TSHZ3: variants seen among roughly 807,000 people sequenced by gnomAD.
TSHZ3 encodes the protein teashirt zinc finger homeobox 3.
In TSHZ3, 10 loss-of-function variants were observed where a neutral mutation model predicts 64.5. The ratio of observed to expected loss-of-function variants is 0.16; its 90% CI spans 0.10 to 0.26. TSHZ3 has a LOEUF of 0.26. TSHZ3 is among the 10% of genes least tolerant of loss of function. The pLI is 1.00. For synonymous variants in TSHZ3, 608 were observed against 593.1 expected, an observed-to-expected ratio of 1.03 and a Z score of -0.36; for missense variants, 1,242 against 1,421.7, an observed-to-expected ratio of 0.87 and a Z score of 2.03.
chr19:31,258,618 C>T (rs1192534626), intron 1 of TSHZ3, among the ~76,000 whole-genome samples: 1 of 152,178 alleles, frequency 6.6e-6, no homozygotes, highest in Non-Finnish European at 1.5e-5. Flanking sequence ...GACAGGGATT[C>T]GGTCATACTG....
At chr19:31,265,731 C>A (rs1398673113) in intron 1 of TSHZ3, among the ~76,000 whole-genome samples, 1 of 152,168 alleles carries the variant, frequency 6.6e-6, no homozygotes, top group Non-Finnish European at 1.5e-5. Context: ...TGGGAACACA[C>A]CTACTGTCAC....
rs372232422 is a variant in TSHZ3, at chr19:31,238,255, A to ATTT, written n.550+4011_550+4013dup. 2.6e-3 allele frequency among the ~76,000 whole-genome samples: 351 copies of ATTT among 134,564 alleles called. 3 individuals are homozygous for ATTT. Among genetic ancestry groups the ATTT allele is most frequent in the African/African-American group, 9.3e-3 (338 of 36,352 alleles). 88.3% of individuals were successfully genotyped at this position (134,564 alleles called of 152,430 possible). ...ATTTCTGTTAATGTTTCCTTCGTGA[A>ATTT]TTTTTTTTTTTTTTTTTTGAGACAG... On this transcript the variant is annotated intron_variant and non_coding_transcript_variant, in intron 3 of 6. Transcript: ENST00000651361.
At chr19:31,349,945 G>A (rs1476214747), upstream of TSHZ3, among the ~76,000 whole-genome samples, 1 of 71,440 alleles carries the variant, frequency 1.4e-5, no homozygotes, top group Non-Finnish European at 3.0e-5. Flanking sequence ...CCCCCGCCCC[G>A]CCAGCGAAAG....
chr19:31,281,115 A>G (rs529622016), intron 1 of TSHZ3, among the ~76,000 whole-genome samples: 1 of 152,314 alleles, frequency 6.6e-6, no homozygotes, highest in African/African-American at 2.4e-5. Context: ...TGCTAATTGC[A>G]AGGCTGATTT....
Position 31,331,043 on chromosome 19 carries a change from A to C in TSHZ3, c.40+18137T>G, listed in dbSNP as rs114003124. On this transcript the variant is annotated intron_variant, in intron 1 of 1. Coordinates refer to ENST00000240587, the MANE Select transcript of TSHZ3 (RefSeq NM_020856.4). ...TCTCCCTTCTACATGAGAGCTGCCC[A>C]ACCCAACGGCAGAGTTATGACTCAC... Among the ~76,000 whole-genome samples, 1,103 of 152,310 alleles carry C rather than the reference A, an allele frequency of 7.2e-3. 12 individuals carry two copies. Among genetic ancestry groups the C allele is most frequent in the African/African-American group, 0.025 (1,046 of 41,576 alleles).
At chr19:31,230,355 A>G (rs1237373491) in intron 3 of TSHZ3, among the ~76,000 whole-genome samples, 1 of 152,236 alleles carries the variant, frequency 6.6e-6, no homozygotes, top group Non-Finnish European at 1.5e-5. Flanking sequence ...AAAAGACTTT[A>G]AGAGGATAAC....
chr19:31,244,636 T>G (rs1332091671), intron 1 of TSHZ3, among the ~76,000 whole-genome samples: 1 of 152,164 alleles, frequency 6.6e-6, no homozygotes, highest in Non-Finnish European at 1.5e-5. Flanking sequence ...ATACGGTCAT[T>G]CAAAATCATT....
chr19:31,182,439 T>C (rs1430827517), intron 5 of TSHZ3, among the ~76,000 whole-genome samples: 2 of 152,148 alleles, frequency 1.3e-5, no homozygotes, highest in Non-Finnish European at 1.5e-5. Flanking sequence ...TCCACAGTTT[T>C]GGAAATGTGC....
At chr19:31,223,750 G>T (rs563603768) in intron 4 of TSHZ3, among the ~76,000 whole-genome samples, 18 of 152,266 alleles carry the variant, frequency 1.2e-4, no homozygotes, top group African/African-American at 4.1e-4. Flanking sequence ...ATGGAAAGTG[G>T]GGGGAATGCT....
chr19:31,185,115 A>AAG (rs1568340624), intron 5 of TSHZ3, among the ~76,000 whole-genome samples: 3 of 149,620 alleles, frequency 2.0e-5, no homozygotes, highest in Non-Finnish European at 4.5e-5. Context: ...AAAAAAAAAA[A>AAG]CACAAGGGGA....
intron 1 of TSHZ3, chr19:31,308,856 A>G (rs1916371102): frequency 2.5e-6 from 1 of 394,004 alleles, no homozygotes; most frequent in African/African-American, 2.1e-5. Context: ...GAGGCCCCAA[A>G]CAGAGGAAAG....
chr19:31,314,634 T>C (rs1916554427), intron 1 of TSHZ3, among the ~76,000 whole-genome samples: 1 of 152,156 alleles, frequency 6.6e-6, no homozygotes, highest in Non-Finnish European at 1.5e-5. Context: ...TAGATCAGGG[T>C]TTTATTCATA....
At chr19:31,306,619 A>G (rs1261854719) in intron 1 of TSHZ3, among the ~76,000 whole-genome samples, 1 of 152,198 alleles carries the variant, frequency 6.6e-6, no homozygotes, top group Non-Finnish European at 1.5e-5. Flanking sequence ...CCTACCAGGC[A>G]GCACAGAACC....
At chr19:31,299,352 C>T (rs1408805486) in intron 1 of TSHZ3, among the ~76,000 whole-genome samples, 2 of 152,188 alleles carry the variant, frequency 1.3e-5, no homozygotes, top group Non-Finnish European at 2.9e-5. Context: ...AATATCATCA[C>T]CTCCCTTGGA....
chr19:31,209,940 G>A (rs1175845417), intron 4 of TSHZ3, among the ~76,000 whole-genome samples: 1 of 152,152 alleles, frequency 6.6e-6, no homozygotes, highest in Non-Finnish European at 1.5e-5. Context: ...AACAAAGGGA[G>A]AGAAGGTCAG....
At chr19:31,297,073 G>C (rs955276834) in intron 1 of TSHZ3, among the ~76,000 whole-genome samples, 3 of 152,184 alleles carry the variant, frequency 2.0e-5, no homozygotes, top group African/African-American at 7.2e-5. Flanking sequence ...AAGCATCCAG[G>C]GGGCATAGCA....
chr19:31,340,017 TG>T (rs1357910871), intron 1 of TSHZ3, among the ~76,000 whole-genome samples: 1 of 152,058 alleles, frequency 6.6e-6, no homozygotes, highest in Admixed American at 6.6e-5. Context: ...TTAGCATGTT[TG>T]AAGTAATCGT....
intron 4 of TSHZ3, among the ~76,000 whole-genome samples, chr19:31,226,025 G>A (rs1975455301): frequency 6.6e-6 from 1 of 151,896 alleles, no homozygotes; most frequent in South Asian, 2.1e-4. Context: ...TACTTGGGAA[G>A]CTGAGGCAGG....
intron 1 of TSHZ3, among the ~76,000 whole-genome samples, chr19:31,281,450 G>A (rs926974597): frequency 1.3e-5 from 2 of 152,172 alleles, no homozygotes; most frequent in African/African-American, 4.8e-5. Flanking sequence ...GCTGCAGGGA[G>A]GGGGATACTT....
Sources: allele counts gnomAD v4.1 joint callset (sites outside exome capture counted in the v4.1 genomes callset), GRCh38; gene constraint gnomAD v4.1.1; transcripts MANE v1.5; gene names NCBI Gene and HGNC (gene_info 2026-07-23, HGNC 2026-07-21).